The following ADAMTS20 variants were observed in gnomAD, a reference collection of about 807,000 sequenced individuals.
ADAMTS20 encodes the protein ADAM metallopeptidase with thrombospondin type 1 motif 20, also known as A disintegrin and metalloproteinase with thrombospondin motifs 20.
Under a neutral mutation model 260.1 loss-of-function variants are expected in ADAMTS20, and 225 were observed. The observed-to-expected ratio is 0.87, with a 90% CI of 0.78 to 0.97. The LOEUF (loss-of-function observed/expected upper bound fraction) is 0.97. ADAMTS20 is among the 50% of genes least tolerant of loss of function. ADAMTS20 has a pLI of 0.00. For synonymous variants in ADAMTS20, 802 were observed against 769.5 expected, an observed-to-expected ratio of 1.04 and a Z score of -0.70; for missense variants, 2,400 against 2,337.7, an observed-to-expected ratio of 1.03 and a Z score of -0.55.
chr12:43,418,456 C>A (rs866790258), intron 28 of ADAMTS20, among the ~76,000 whole-genome samples: 1 of 151,962 alleles, frequency 6.6e-6, no homozygotes, highest in Non-Finnish European at 1.5e-5. Context: ...ATTACAGGCA[C>A]GCGCCACCAC....
rs182721868 is a variant in ADAMTS20 at position 43,456,206 on chromosome 12, G to C, written c.1615-2154C>G. Among the ~76,000 whole-genome samples the C allele has an allele frequency of 1.3e-3, 196 of 152,078 alleles. 1 individual carries two copies. Among genetic ancestry groups the C allele is most frequent in the African/African-American group, 4.2e-3 (174 of 41,464 alleles). On this transcript the variant is annotated intron_variant, in intron 11 of 38. Coordinates refer to ENST00000389420, the MANE Select transcript of ADAMTS20 (RefSeq NM_025003.5). ...AAAAGTATCAGTTTATAAATAATCA[G>C]AAATTTTAAAAAAGAACAAAGACAA...
chr12:43,427,306 A>G lies in ADAMTS20; in HGVS notation c.4107+2T>C, dbSNP rs763610598. The G allele has an allele frequency of 6.2e-7, 1 of 1,610,852 alleles. No individual in the cohort carries two copies. The highest frequency in any genetic ancestry group is 8.5e-7 in the Non-Finnish European group (1 of 1,179,034). The stretch of plus-strand genomic sequence containing the variant: ...ACAAGTTTAGAAAATATTATGACTT[A>G]CTTCTCCCCAATTTCCGTAGTTCCA... On this transcript the variant is annotated splice_donor_variant, in intron 27 of 38. Coordinates refer to ENST00000389420, the MANE Select transcript of ADAMTS20 (RefSeq NM_025003.5). LOFTEE classifies it high-confidence loss of function.
At chr12:43,529,717 G>T (rs913073782) in intron 3 of ADAMTS20, among the ~76,000 whole-genome samples, 7 of 152,040 alleles carry the variant, frequency 4.6e-5, no homozygotes, top group African/African-American at 1.7e-4. Context: ...TACACTACTT[G>T]GGTGACAAGT....
At chr12:43,409,194 CTT>C (rs1940976163) in intron 28 of ADAMTS20, among the ~76,000 whole-genome samples, 1 of 151,864 alleles carries the variant, frequency 6.6e-6, no homozygotes, top group South Asian at 2.1e-4. Context: ...CAAGACAAAC[CTT>C]TTGATAATTA....
intron 7 of ADAMTS20, among the ~76,000 whole-genome samples, chr12:43,471,242 C>T (rs1448363292): frequency 6.6e-6 from 1 of 152,148 alleles, no homozygotes; most frequent in Admixed American, 6.5e-5. Flanking sequence ...CCTGGAAAAT[C>T]GGGTCGCTCC....
At chr12:43,526,584 ATTTT>A (rs1943146929) in intron 3 of ADAMTS20, among the ~76,000 whole-genome samples, 1 of 152,232 alleles carries the variant, frequency 6.6e-6, no homozygotes, top group Non-Finnish European at 1.5e-5. Context: ...CTCCTGAATG[ATTTT>A]TAGGTTAACA....
intron 29 of ADAMTS20, among the ~76,000 whole-genome samples, chr12:43,391,342 T>C (rs1940592363): frequency 6.6e-6 from 1 of 152,194 alleles, no homozygotes; most frequent in Non-Finnish European, 1.5e-5. Context: ...TTGGCAAATA[T>C]TCAGATCATA....
chr12:43,507,779 G>C (rs183480845), intron 3 of ADAMTS20, among the ~76,000 whole-genome samples: 1 of 152,262 alleles, frequency 6.6e-6, no homozygotes, highest in African/African-American at 2.4e-5. Context: ...AGAAAACGTG[G>C]TATATATACA....
chr12:43,370,761 C>T (rs1030399688), intron 36 of ADAMTS20, among the ~76,000 whole-genome samples: 3 of 152,200 alleles, frequency 2.0e-5, no homozygotes, highest in African/African-American at 7.2e-5. Context: ...CTAAACTGTA[C>T]TACCATCTGT....
chr12:43,378,670 C>T lies in ADAMTS20; in HGVS notation c.4798-1108G>A, dbSNP rs1259165958. Among the ~76,000 whole-genome samples the T allele has an allele frequency of 2.0e-5, 3 of 152,156 alleles. No individual in the cohort carries two copies. In the South Asian group the frequency reaches 6.2e-4, roughly 31 times the overall value. On this transcript the variant is annotated intron_variant, in intron 31 of 38. Coordinates refer to ENST00000389420, the MANE Select transcript of ADAMTS20 (RefSeq NM_025003.5). ...ATCTAGTCAGCAAAAAGGTAAAATT[C>T]ATGGCTGACATGCAACAGAAAATTA...
intron 3 of ADAMTS20, among the ~76,000 whole-genome samples, chr12:43,522,361 T>C (rs1943084473): frequency 6.6e-6 from 1 of 152,206 alleles, no homozygotes; most frequent in Non-Finnish European, 1.5e-5. Context: ...ATAGGGATTA[T>C]GGGGATTACA....
intron 36 of ADAMTS20, among the ~76,000 whole-genome samples, chr12:43,373,610 G>A (rs1940152150): frequency 6.6e-6 from 1 of 151,574 alleles, no homozygotes; most frequent in Non-Finnish European, 1.5e-5. Flanking sequence ...TGCAGGCTGT[G>A]GGTTTGACAA....
chr12:43,512,856 T>G (rs1474600495), intron 3 of ADAMTS20, among the ~76,000 whole-genome samples: 1 of 152,210 alleles, frequency 6.6e-6, no homozygotes, highest in Non-Finnish European at 1.5e-5. Context: ...TATCAATTAT[T>G]ACAGCTGAAC....
chr12:43,466,696 C>A lies in ADAMTS20; in HGVS notation c.1323G>T (p.Trp441Cys), dbSNP rs779385831. Residue 441 changes from tryptophan (W) to cysteine (C), a missense_variant, in exon 9 of 39, where the codon TGG becomes TGT. Coordinates refer to ENST00000389420, the MANE Select transcript of ADAMTS20 (RefSeq NM_025003.5). ...ATTTCCGACTACAGTTTGACCAGCT[C>A]CAAGGACTCATGTGAAAACTTAAAG... ...APALSFHMSP[W>C]SWSNCSRKYV... 1 of 1,611,502 alleles carries A rather than the reference C, an allele frequency of 6.2e-7. No homozygotes were observed. The highest frequency in any genetic ancestry group is 1.3e-5 in the African/African-American group (1 of 74,824).
At chr12:43,490,549 A>G (rs1942585224) in intron 6 of ADAMTS20, 114 bp from the exon 7 acceptor site, 2 of 506,398 alleles carry the variant, frequency 3.9e-6, no homozygotes, top group Non-Finnish European at 6.9e-6. Context: ...ACTAACTTCT[A>G]AAATCTAGTT....
intron 18 of ADAMTS20, among the ~76,000 whole-genome samples, chr12:43,438,457 T>C (rs868725184): frequency 1.1e-4 from 16 of 152,286 alleles, no homozygotes; most frequent in Middle Eastern, 3.4e-3. Context: ...CTACCTCTAT[T>C]ATCCCCGTCT....
chr12:43,359,623 C>T (rs181660442), intron 37 of ADAMTS20, among the ~76,000 whole-genome samples: 3 of 152,090 alleles, frequency 2.0e-5, no homozygotes, highest in East Asian at 3.9e-4. Flanking sequence ...CTAATCAAGA[C>T]GTATGGTGTT....
intron 2 of ADAMTS20, among the ~76,000 whole-genome samples, chr12:43,547,105 G>A (rs990323596): frequency 6.6e-6 from 1 of 152,186 alleles, no homozygotes; most frequent in African/African-American, 2.4e-5. Flanking sequence ...TAGTTCACAT[G>A]TTTGGGGTTA....
Position 43,490,437 on chromosome 12 carries a change from T to C in ADAMTS20, c.1077-2A>G. Reference sequence around the variant, plus strand: ...TCTTTAGATGAACAAATGTCTTCCCTTAAAATAAAAGATTTATTTTGAAGC... The same window carrying C: ...TCTTTAGATGAACAAATGTCTTCCCCTAAAATAAAAGATTTATTTTGAAGC... On this transcript the variant is annotated splice_acceptor_variant, in intron 6 of 38. Coordinates refer to ENST00000389420, the MANE Select transcript of ADAMTS20 (RefSeq NM_025003.5). LOFTEE classifies it high-confidence loss of function. 1.2e-5 allele frequency: 16 copies of C among 1,285,004 alleles called. No homozygotes were observed. The highest frequency in any genetic ancestry group is 1.7e-5 in the Non-Finnish European group (16 of 954,312). The allele number at this position is 1,285,004 out of a possible 1,614,324, so 79.6% of individuals were successfully genotyped here.
Sources: allele counts gnomAD v4.1 joint callset (sites outside exome capture counted in the v4.1 genomes callset), GRCh38; gene constraint gnomAD v4.1.1; transcripts MANE v1.5; gene names NCBI Gene and HGNC (gene_info 2026-07-23, HGNC 2026-07-21).